CHST8: variants seen among roughly 807,000 people sequenced by gnomAD.
CHST8 encodes carbohydrate sulfotransferase 8.
CHST8 carries 10 observed loss-of-function variants against 15.0 expected under a neutral mutation model. That is an observed-to-expected ratio of 0.67 (90% CI 0.41 to 1.13). CHST8 has a LOEUF of 1.13. Ranked by LOEUF, CHST8 falls within the 50% of genes most tolerant of loss-of-function variation. The pLI, the probability that CHST8 is intolerant of heterozygous loss-of-function variation, is 0.00. For synonymous variants in CHST8, 259 were observed against 256.6 expected (o/e 1.01, Z -0.09); for missense variants, 634 against 608.2 (o/e 1.04, Z -0.45).
At chr19:33,686,707 G>A (rs1395532078) in intron 2 of CHST8, among the ~76,000 whole-genome samples, 3 of 152,160 alleles carry the variant, frequency 2.0e-5, no homozygotes, top group Admixed American at 6.5e-5. Context: ...CTGGCTTCCC[G>A]GTGTCTGACT....
chr19:33,654,204 T>C (rs1440619985), intron 1 of CHST8, among the ~76,000 whole-genome samples: 3 of 152,210 alleles, frequency 2.0e-5, no homozygotes, highest in Non-Finnish European at 4.4e-5. Context: ...GAAATCTACA[T>C]GCTTGTTTCC....
chr19:33,737,758 C>A (rs548174993), intron 3 of CHST8, among the ~76,000 whole-genome samples: 2 of 152,172 alleles, frequency 1.3e-5, no homozygotes, highest in Non-Finnish European at 2.9e-5. Flanking sequence ...CCCCAGCCTT[C>A]TCCAATGTGT....
In CHST8 at chr19:33,689,339, C is replaced by T; in HGVS notation, c.78C>T (p.Leu26=). The change falls in exon 3 of 5, where the codon CTC becomes CTT. Residue 26 remains leucine (L), a synonymous_variant. Transcript: ENST00000650847. The stretch of plus-strand genomic sequence containing the variant: ...TGCTGTTCGGAGCTGCAGGCCTCCT[C>T]CTCTTCATCAGCCTGCAGGACCCTA... The part of the protein sequence containing the change: ...SILLFGAAGL[L]LFISLQDPTE... 2 of 1,609,648 alleles carry T rather than the reference C, an allele frequency of 1.2e-6. No individual in the cohort carries two copies. The highest frequency in any genetic ancestry group is 1.7e-6 in the Non-Finnish European group (2 of 1,178,872).
chr19:33,772,513 A>G lies in CHST8; in HGVS notation c.725A>G (p.Gln242Arg), dbSNP rs920358138. The change falls in exon 5 of 5, where the codon CAG becomes CGG. Residue 242 changes from glutamine (Q) to arginine (R), a missense_variant. Physicochemically the swap from Gln to Arg is conservative, Grantham distance 43 (BLOSUM62 1). Transcript: ENST00000650847. ...ALKRLDTFDR[Q>R]GILHRLSTYT... ...AAGCGCCTGGACACCTTCGACCGCC[A>G]GGGTATCTTGCACCGTCTCAGCACC... is the stretch of plus-strand genomic sequence containing the variant. The G allele has an allele frequency of 1.2e-6, 2 of 1,613,790 alleles. No homozygotes were observed. The highest frequency in any genetic ancestry group is 2.7e-5 in the African/African-American group (2 of 74,934).
At chr19:33,684,541 G>C (rs980600936) in intron 2 of CHST8, 5 of 152,578 alleles carry the variant, frequency 3.3e-5, no homozygotes, top group Non-Finnish European at 5.9e-5. Context: ...ACTCGTCCCA[G>C]AGTTTGCTGC....
intron 2 of CHST8, among the ~76,000 whole-genome samples, chr19:33,679,260 A>C (rs1272100761): frequency 6.6e-6 from 1 of 152,220 alleles, no homozygotes; most frequent in Non-Finnish European, 1.5e-5. Context: ...TGCGGATGTC[A>C]GAGCCGCTGG....
At chr19:33,696,702 T>C (rs1973223459) in intron 3 of CHST8, among the ~76,000 whole-genome samples, 1 of 152,062 alleles carries the variant, frequency 6.6e-6, no homozygotes, top group African/African-American at 2.4e-5. Context: ...AACTGGTTCC[T>C]GGTGCCAAAA....
At chr19:33,672,615 C>T (rs1972754910) in intron 2 of CHST8, among the ~76,000 whole-genome samples, 1 of 152,288 alleles carries the variant, frequency 6.6e-6, no homozygotes, top group African/African-American at 2.4e-5. Context: ...GGAAGAAAAG[C>T]TGGGCAGGGA....
intron 1 of CHST8, among the ~76,000 whole-genome samples, chr19:33,653,264 G>A (rs891508207): frequency 6.6e-6 from 1 of 152,134 alleles, no homozygotes; most frequent in Admixed American, 6.5e-5. Context: ...ATTCTGGGAT[G>A]ATAGTTATTT....
intron 3 of CHST8, among the ~76,000 whole-genome samples, chr19:33,705,597 C>T (rs1973430960): frequency 6.6e-6 from 1 of 152,190 alleles, no homozygotes; most frequent in Non-Finnish European, 1.5e-5. Context: ...CCAGTATCTA[C>T]CTGGAGATGC....
intron 3 of CHST8, among the ~76,000 whole-genome samples, chr19:33,756,339 GGT>G: frequency 6.6e-6 from 1 of 152,304 alleles, no homozygotes; most frequent in East Asian, 1.9e-4. Context: ...TAGGTTGCAT[GGT>G]GTGTGTCTGG....
chr19:33,722,590 C>T (rs1973820438), intron 3 of CHST8, among the ~76,000 whole-genome samples: 1 of 152,166 alleles, frequency 6.6e-6, no homozygotes, highest in African/African-American at 2.4e-5. Context: ...TCTTTCTTAC[C>T]TCTTTGTTCC....
chr19:33,731,673 A>T (rs1458575379), intron 3 of CHST8, among the ~76,000 whole-genome samples: 1 of 152,152 alleles, frequency 6.6e-6, no homozygotes, highest in Non-Finnish European at 1.5e-5. Context: ...TTTACCCAGT[A>T]TCTATACAAG....
In CHST8 at chr19:33,772,003, C is replaced by CAG. The variant is rs1262080951; in HGVS notation, c.220_221dup (p.Val75GlyfsTer86). Reference sequence around the variant, plus strand: ...CAGGATGGTGACTTGAAGGAACCCACAGAGAGGGTCACTCGGGACTTATCC... The same window carrying CAG: ...CAGGATGGTGACTTGAAGGAACCCACAGAGAGAGGGTCACTCGGGACTTATCC... On this transcript the variant is annotated frameshift_variant, in exon 5 of 5. Coordinates refer to ENST00000650847, the MANE Select transcript of CHST8 (RefSeq NM_001127895.2). LOFTEE classifies it low-confidence loss of function (END_TRUNC). The CAG allele has an allele frequency of 6.2e-7, 1 of 1,601,062 alleles. No homozygotes were observed. The highest frequency in any genetic ancestry group is 2.2e-5 in the East Asian group (1 of 44,746).
chr19:33,712,592 C>T (rs1973577169), intron 3 of CHST8, among the ~76,000 whole-genome samples: 1 of 152,156 alleles, frequency 6.6e-6, no homozygotes, highest in Non-Finnish European at 1.5e-5. Context: ...GGGAGAGGAA[C>T]TTGCCGTTAG....
At chr19:33,691,491 T>G (rs1404643274) in intron 3 of CHST8, among the ~76,000 whole-genome samples, 1 of 152,246 alleles carries the variant, frequency 6.6e-6, no homozygotes, top group African/African-American at 2.4e-5. Context: ...TTGTGTTGAT[T>G]TGTTACTATT....
At chr19:33,677,278 G>A (rs1972822508) in intron 2 of CHST8, among the ~76,000 whole-genome samples, 1 of 152,186 alleles carries the variant, frequency 6.6e-6, no homozygotes, top group South Asian at 2.1e-4. Context: ...CTGGCAGACA[G>A]ATGCCACAGA....
At chr19:33,735,548 C>T (rs1473658388) in intron 3 of CHST8, among the ~76,000 whole-genome samples, 1 of 152,216 alleles carries the variant, frequency 6.6e-6, no homozygotes, top group Admixed American at 6.5e-5. Context: ...CATTCTTGGC[C>T]AGTCATGGTG....
At chr19:33,623,452 G>A (rs1004859605) in intron 1 of CHST8, among the ~76,000 whole-genome samples, 2 of 152,242 alleles carry the variant, frequency 1.3e-5, no homozygotes, top group African/African-American at 4.8e-5. Flanking sequence ...GAGGCGTTGG[G>A]TGCAGGGAGG....
Sources: allele counts gnomAD v4.1 joint callset (sites outside exome capture counted in the v4.1 genomes callset), GRCh38; gene constraint gnomAD v4.1.1; transcripts MANE v1.5; gene names NCBI Gene and HGNC (gene_info 2026-07-23, HGNC 2026-07-21).